N4BP2: variants seen among roughly 807,000 people sequenced by gnomAD.
N4BP2 encodes NEDD4 binding protein 2, also known as NEDD4-binding protein 2.
N4BP2 carries 91 observed loss-of-function variants against 152.8 expected under a neutral mutation model. That is an observed-to-expected ratio of 0.60 (90% CI 0.50 to 0.71). The LOEUF is 0.71. N4BP2 is among the 30% of genes least tolerant of loss of function. The pLI is 0.00. For synonymous variants in N4BP2, 646 were observed against 705.3 expected (o/e 0.92, Z 1.33); for missense variants, 1,923 against 2,059.1 (o/e 0.93, Z 1.28).
intron 16 of N4BP2, among the ~76,000 whole-genome samples, chr4:40,149,902 G>GAAAAAAAAA (rs534686637): frequency 4.2e-5 from 4 of 95,088 alleles, no homozygotes; most frequent in Admixed American, 9.9e-5. Context: ...ATCTCAAAAA[G>GAAAAAAAAA]AAAAAAAAAA....
downstream of N4BP2, among the ~76,000 whole-genome samples, chr4:40,158,525 C>T (rs979640585): frequency 2.6e-5 from 4 of 152,056 alleles, no homozygotes; most frequent in Admixed American, 2.6e-4. Context: ...AGGCCAGACG[C>T]GGTGGCTTAT....
the N4BP2 span, among the ~76,000 whole-genome samples, chr4:40,179,759 CTT>C: frequency 0.1 from 11,087 of 108,094 alleles, 396 homozygotes; most frequent in African/African-American, 0.19. Context: ...TAAAGCCTTT[CTT>C]TTTTTTTTTT....
intron 7 of N4BP2, among the ~76,000 whole-genome samples, chr4:40,114,366 A>G (rs1462808620): frequency 2.0e-5 from 3 of 152,130 alleles, no homozygotes; most frequent in Admixed American, 6.5e-5. Flanking sequence ...AAGAAGCCCT[A>G]TGCCTACAAG....
At chr4:40,118,625 T>C (rs1717573639) in intron 8 of N4BP2, among the ~76,000 whole-genome samples, 1 of 152,208 alleles carries the variant, frequency 6.6e-6, no homozygotes, top group African/African-American at 2.4e-5. Flanking sequence ...CCAGTTTTAC[T>C]TGACGCTCGC....
chr4:40,190,166 G>A, the N4BP2 span, among the ~76,000 whole-genome samples: 5 of 152,100 alleles, frequency 3.3e-5, no homozygotes, highest in Admixed American at 2.0e-4. Flanking sequence ...TTCCTAATAC[G>A]TAGATATAAA....
At chr4:40,093,579 G>A (rs1714827452) in intron 2 of N4BP2, among the ~76,000 whole-genome samples, 1 of 145,822 alleles carries the variant, frequency 6.9e-6, no homozygotes, top group South Asian at 2.2e-4. Flanking sequence ...GCTAATTTTT[G>A]TATTTGTATT....
chr4:40,125,879 T>G (rs375480847), intron 11 of N4BP2, among the ~76,000 whole-genome samples: 248 of 101,486 alleles, frequency 2.4e-3, no homozygotes, highest in African/African-American at 9.1e-3. Flanking sequence ...AGAGCAAGAC[T>G]CCGTCTCAAA....
At chr4:40,131,940 C>A in intron 13 of N4BP2, 21 bp downstream of exon 13, 1 of 1,377,900 alleles carries the variant, frequency 7.3e-7, no homozygotes, top group Non-Finnish European at 1.0e-6. Flanking sequence ...GAAGGATTGT[C>A]TGTAGTTTCT....
intron 12 of N4BP2, among the ~76,000 whole-genome samples, chr4:40,127,913 G>A (rs1256772634): frequency 6.6e-6 from 1 of 151,862 alleles, no homozygotes; most frequent in Non-Finnish European, 1.5e-5. Context: ...CACCTGCCTC[G>A]GCCTCCCAGA....
At position 40,105,748 on chromosome 4, in the gene N4BP2, A is replaced by C. The variant is rs188155017; in HGVS notation, c.1374-1152A>C. Among the ~76,000 whole-genome samples, 392 of 152,102 alleles carry C rather than the reference A, an allele frequency of 2.6e-3. 11 individuals are homozygous for C. The highest frequency in any genetic ancestry group is 0.021 in the Admixed American group (325 of 15,256). ...AAATTTTTTGTAGAGACAGAGTCTT[A>C]CCAGCTTGCCCAGGCTCATCTCAAA... On this transcript the variant is annotated intron_variant, in intron 4 of 17. Transcript: ENST00000261435.
chr4:40,171,868 A>G, the N4BP2 span, among the ~76,000 whole-genome samples: 1 of 152,152 alleles, frequency 6.6e-6, no homozygotes, highest in Non-Finnish European at 1.5e-5. Context: ...GGCAGGAAGC[A>G]TCCAGCACAG....
Position 40,102,864 on chromosome 4 carries a change from A to T in N4BP2, c.1019A>T (p.Asp340Val). 6.2e-7 allele frequency: 1 copy of T among 1,614,150 alleles called. No individual in the cohort carries two copies. The highest frequency in any genetic ancestry group is 8.5e-7 in the Non-Finnish European group (1 of 1,180,020). Residue 340 changes from aspartate to valine, a missense_variant, in exon 4 of 18, where the codon GAT becomes GTT. Physicochemically the swap from Asp to Val is radical, Grantham distance 152 (BLOSUM62 -3). Transcript: ENST00000261435. ...CCTGAACTGCCAACTAAGGGGAAGG[A>T]TGTGAGTTACTGCCCGGTACTTGCT... ...KHPELPTKGK[D>V]VSYCPVLAPL...
chr4:40,060,858 A>G (rs1578925237), intron 1 of N4BP2, among the ~76,000 whole-genome samples: 1 of 151,458 alleles, frequency 6.6e-6, no homozygotes, highest in Non-Finnish European at 1.5e-5. Context: ...TCTCACTTCA[A>G]CCTCCCAAGT....
At chr4:40,065,144 A>G (rs1733945782) in intron 1 of N4BP2, among the ~76,000 whole-genome samples, 1 of 152,188 alleles carries the variant, frequency 6.6e-6, no homozygotes, top group Non-Finnish European at 1.5e-5. Flanking sequence ...TGGGAAACAA[A>G]TAACTAGGTA....
At chr4:40,070,625 A>AT (rs1351855361) in intron 1 of N4BP2, among the ~76,000 whole-genome samples, 1 of 151,548 alleles carries the variant, frequency 6.6e-6, no homozygotes, top group Non-Finnish European at 1.5e-5. Context: ...TAATTTTTGT[A>AT]TTTTTTGTAG....
chr4:40,175,763 T>C, the N4BP2 span, among the ~76,000 whole-genome samples: 1 of 132,736 alleles, frequency 7.5e-6, no homozygotes, highest in Admixed American at 8.3e-5. Context: ...TGAGCCGAGA[T>C]TGCGCCCCTG....
chr4:40,129,964 C>T (rs1012981714), intron 12 of N4BP2, among the ~76,000 whole-genome samples: 8 of 151,934 alleles, frequency 5.3e-5, no homozygotes, highest in African/African-American at 7.3e-5. Flanking sequence ...AACTTTGACC[C>T]GATAGATTGG....
intron 16 of N4BP2, among the ~76,000 whole-genome samples, chr4:40,145,510 C>A (rs373290951): frequency 2.0e-5 from 3 of 152,210 alleles, no homozygotes; most frequent in East Asian, 3.9e-4. Context: ...CCTAGCCTGA[C>A]CCCAGTTGTT....
At chr4:40,089,633 C>T (rs1023571632) in intron 2 of N4BP2, among the ~76,000 whole-genome samples, 2 of 151,818 alleles carry the variant, frequency 1.3e-5, no homozygotes, top group African/African-American at 2.4e-5. Context: ...GACGGGGTTT[C>T]GCCATGTTGG....
Sources: gnomAD v4.1 joint callset for allele counts (sites outside exome capture counted in the v4.1 genomes callset) on GRCh38, gnomAD v4.1.1 for gene constraint, MANE v1.5 for transcripts, NCBI Gene and HGNC (gene_info 2026-07-23, HGNC 2026-07-21) for gene names.